The following CTBP2 variants were observed in gnomAD, a reference collection of about 807,000 sequenced individuals.
CTBP2 encodes the protein C-terminal-binding protein 2.
In CTBP2, 30 loss-of-function variants were observed where a neutral mutation model predicts 80.3. The observed-to-expected ratio is 0.37, with a 90% confidence interval of 0.28 to 0.51. The LOEUF (loss-of-function observed/expected upper bound fraction) is 0.51. CTBP2 is among the 20% of genes least tolerant of loss of function. The probability of loss-of-function intolerance (pLI) is 0.93; values close to 1 mark genes in which losing one functional copy is unlikely to be tolerated. For missense variants in CTBP2, 1,212 were observed against 1,375.3 expected (o/e 0.88, Z 1.88); for synonymous variants, 594 against 587.4 (o/e 1.01, Z -0.16).
At chr10:125,116,859 A>G (rs914822616) in intron 1 of CTBP2, among the ~76,000 whole-genome samples, 1 of 152,226 alleles carries the variant, frequency 6.6e-6, no homozygotes, top group African/African-American at 2.4e-5. Flanking sequence ...GCCTCGGGCA[A>G]AATCTTGTCA....
intron 1 of CTBP2, among the ~76,000 whole-genome samples, chr10:125,003,920 G>C (rs1954892311): frequency 6.6e-6 from 1 of 152,236 alleles, no homozygotes; most frequent in Non-Finnish European, 1.5e-5. Flanking sequence ...CAAACAGGCG[G>C]CCTGGGCAGG....
intron 1 of CTBP2, among the ~76,000 whole-genome samples, chr10:125,006,945 G>C (rs1955320426): frequency 6.6e-6 from 1 of 152,240 alleles, no homozygotes; most frequent in Admixed American, 6.5e-5. Flanking sequence ...AGGCTGACAA[G>C]AGTCCTGCAG....
At position 125,027,514 on chromosome 10, in the gene CTBP2, T is replaced by C; in HGVS notation, c.246A>G (p.Arg82=). 1 of 1,614,110 alleles carries C rather than the reference T, an allele frequency of 6.2e-7. No individual in the cohort carries two copies. Among genetic ancestry groups the C allele is most frequent in the Non-Finnish European group, 8.5e-7 (1 of 1,180,004 alleles). ...AGGTGAAGTCAGGAGTAGACCCCTT[T>C]CTTGCAGCCACTGAGTTATAAACGG... is the stretch of plus-strand genomic sequence containing the variant. The change falls in exon 1 of 9, where the codon AGA becomes AGG. Residue 82 remains arginine (R), a synonymous_variant. Transcript: ENST00000309035.
chr10:124,997,564 G>A (rs1451432130), intron 4 of CTBP2: 7 of 218,778 alleles, frequency 3.2e-5, no homozygotes, highest in East Asian at 1.1e-4. Flanking sequence ...CATAACCCGC[G>A]TCTCCACTGA....
chr10:125,105,077 T>C, intron 2 of CTBP2, among the ~76,000 whole-genome samples: 1 of 152,340 alleles, frequency 6.6e-6, no homozygotes, highest in South Asian at 2.1e-4. Context: ...CACAGTGCAC[T>C]GCAGACGTGA....
chr10:125,093,929 A>G (rs150857025), intron 2 of CTBP2, among the ~76,000 whole-genome samples: 18 of 152,346 alleles, frequency 1.2e-4, no homozygotes, highest in Middle Eastern at 6.8e-3. Context: ...AAGAGTTGCT[A>G]TAACTCATTC....
chr10:125,081,739 A>G (rs1847204918), intron 2 of CTBP2, among the ~76,000 whole-genome samples: 1 of 152,132 alleles, frequency 6.6e-6, no homozygotes, highest in Non-Finnish European at 1.5e-5. Flanking sequence ...ATTGACTGAT[A>G]TTTTCCCAGA....
At chr10:125,010,219 T>TAAAAAAAA (rs59517853) in intron 1 of CTBP2, among the ~76,000 whole-genome samples, 1 of 105,988 alleles carries the variant, frequency 9.4e-6, no homozygotes. Context: ...ATTTTAAGGT[T>TAAAAAAAA]AAAAAAAAAA....
intron 1 of CTBP2, among the ~76,000 whole-genome samples, chr10:125,021,879 G>A (rs962203041): frequency 6.6e-6 from 1 of 152,230 alleles, no homozygotes; most frequent in Admixed American, 6.5e-5. Flanking sequence ...GTCAGCACCT[G>A]GGAACCGTTC....
chr10:124,998,459 C>T, intron 3 of CTBP2: 1 of 459,278 alleles, frequency 2.2e-6, no homozygotes, highest in Admixed American at 3.6e-5. Context: ...TGACTGGCTT[C>T]CTCCTGGGCT....
At chr10:125,063,262 A>G (rs1444655707) in intron 2 of CTBP2, among the ~76,000 whole-genome samples, 1 of 152,240 alleles carries the variant, frequency 6.6e-6, no homozygotes, top group Admixed American at 6.5e-5. Flanking sequence ...TGATGTGGAA[A>G]CAGCATGGGC....
chr10:125,118,740 G>A (rs1032697968), intron 1 of CTBP2, among the ~76,000 whole-genome samples: 31 of 151,858 alleles, frequency 2.0e-4, no homozygotes, highest in Middle Eastern at 3.4e-3. Flanking sequence ...GGGGGGATGG[G>A]GAACGCTTAA....
intron 1 of CTBP2, among the ~76,000 whole-genome samples, chr10:125,131,919 G>A (rs183957163): frequency 4.5e-4 from 68 of 152,318 alleles, no homozygotes; most frequent in Admixed American, 3.7e-3. Context: ...GCCTCCGACA[G>A]ATACTTGAGG....
intron 2 of CTBP2, among the ~76,000 whole-genome samples, chr10:125,092,983 C>T (rs1590718428): frequency 6.6e-6 from 1 of 152,120 alleles, no homozygotes; most frequent in Non-Finnish European, 1.5e-5. Flanking sequence ...CCAACACCAG[C>T]CCCAACCGTT....
At chr10:125,040,454 T>TTAA (rs1352451471) in intron 2 of CTBP2, among the ~76,000 whole-genome samples, 3 of 104,450 alleles carry the variant, frequency 2.9e-5, no homozygotes, top group African/African-American at 8.0e-5. Flanking sequence ...ACTCTGTCTT[T>TTAA]AAAAAAAAAA....
chr10:125,117,362 GCCA>G (rs963313975), intron 1 of CTBP2, among the ~76,000 whole-genome samples: 3 of 143,140 alleles, frequency 2.1e-5, no homozygotes, highest in Admixed American at 2.1e-4. Context: ...TCTCAACTCT[GCCA>G]CCGAGCACCA....
intron 5 of CTBP2, 139 bp downstream of exon 7, chr10:124,994,329 CT>C: frequency 1.2e-6 from 1 of 858,940 alleles, no homozygotes; most frequent in Non-Finnish European, 1.9e-6. Context: ...TGGCTTGTCA[CT>C]GGTTTGTTGC....
chr10:125,116,438 C>G (rs942994870), intron 1 of CTBP2, among the ~76,000 whole-genome samples: 2 of 152,104 alleles, frequency 1.3e-5, no homozygotes, highest in African/African-American at 4.8e-5. Flanking sequence ...ACCCTTCTCC[C>G]CACACTCTGC....
At chr10:124,994,975 C>CA (rs1193311377) in intron 4 of CTBP2, among the ~76,000 whole-genome samples, 3 of 152,254 alleles carry the variant, frequency 2.0e-5, no homozygotes, top group Admixed American at 6.5e-5. Flanking sequence ...TTTTCAAACA[C>CA]AGAGTGTTCT....
Sources: allele counts gnomAD v4.1 joint callset (sites outside exome capture counted in the v4.1 genomes callset), GRCh38; gene constraint gnomAD v4.1.1; transcripts MANE v1.5; gene names NCBI Gene and HGNC (gene_info 2026-07-23, HGNC 2026-07-21).